GPR20: variants seen among roughly 807,000 people sequenced by gnomAD.
The protein encoded by GPR20 is CTD-3064M3.3.
For synonymous variants in GPR20, 241 were observed against 241.9 expected (o/e 1.00, Z 0.04); for missense variants, 494 against 527.4 (o/e 0.94, Z 0.62).
intron 1 of GPR20, among the ~76,000 whole-genome samples, chr8:141,361,226 C>T (rs1401080785): frequency 6.6e-6 from 1 of 152,218 alleles, no homozygotes; most frequent in East Asian, 1.9e-4. Context: ...CAGCTCTGCT[C>T]CCCACCCACA....
chr8:141,360,377 A>G (rs994773216), intron 1 of GPR20, among the ~76,000 whole-genome samples: 5 of 152,086 alleles, frequency 3.3e-5, no homozygotes, highest in Admixed American at 3.3e-4. Context: ...TAATAGCACA[A>G]TGGGCGTTGA....
rs775103249 is a variant in GPR20 at position 141,357,328 on chromosome 8, G to A, written c.596C>T (p.Ala199Val). 5.2e-6 allele frequency: 8 copies of A among 1,545,550 alleles called. No homozygotes were observed. The highest frequency in any genetic ancestry group is 2.4e-5 in the East Asian group (1 of 41,372). Reference protein sequence around the residue: ...TGSRPCCRVFALTVLEFLLPL... With the variant: ...TGSRPCCRVFVLTVLEFLLPL... ...CAGCAGGAACTCCAGGACAGTCAGC[G>A]CAAAGACACGGCAGCAGGGCCGGCT... The change falls in exon 2 of 2, where the codon GCG becomes GTG. Residue 199 changes from alanine to valine, a missense_variant. Ala to Val is a moderately conservative substitution (Grantham distance 64, BLOSUM62 0). Transcript: ENST00000377741.
In GPR20 at chr8:141,357,699, C is replaced by T. The variant is rs1563705300; in HGVS notation, c.225G>A (p.Leu75=). The T allele has an allele frequency of 5.6e-6, 9 of 1,613,434 alleles. No homozygotes were observed. The Admixed American group carries it at 6.7e-5, about 12-fold the overall frequency. The change falls in exon 2 of 2, where the codon CTG becomes CTA. Residue 75 remains leucine (L), a synonymous_variant. Transcript: ENST00000377741. ...CCCGGGTGCGGCAGCAGAAGACGTA[C>T]AGCGCCAGCCCGTTGAGCACCAGCC... ...LAGLVLNGLA[L]YVFCCRTRAK... is the part of the protein sequence containing the mutation.
Position 141,357,979 on chromosome 8 carries a change from G to A in GPR20, c.-24-32C>T, listed in dbSNP as rs114285612. ...GCAAGGAGACCAGGTCACCCCAGGC[G>A]CCAGCCTGGCCTTAAGCCCTGCCCT... On this transcript the variant is annotated intron_variant, in intron 1 of 1. Coordinates refer to ENST00000377741, the MANE Select transcript of GPR20 (RefSeq NM_005293.3). 9.1e-4 allele frequency: 1,016 copies of A among 1,112,534 alleles called. 11 individuals carry two copies. In the African/African-American group the frequency reaches 0.014, roughly 15 times the overall value. 68.9% of individuals were successfully genotyped at this position (1,112,534 alleles called of 1,614,324 possible).
At chr8:141,357,985 C>T in intron 1 of GPR20, 38 bp from the exon 2 acceptor site, 2 of 1,098,420 alleles carry the variant, frequency 1.8e-6, no homozygotes, top group Non-Finnish European at 2.6e-6. Context: ...AGGCGCCAGC[C>T]TGGCCTTAAG....
rs533997295 is a variant in GPR20, at chr8:141,357,546, G to T, written c.378C>A (p.His126Gln). The change falls in exon 2 of 2, where the codon CAC (histidine) becomes CAA (glutamine). Residue 126 changes from histidine (H) to glutamine (Q), a missense_variant. Coordinates refer to ENST00000377741, the MANE Select transcript of GPR20 (RefSeq NM_005293.3). ...GCATGTTGAGGAAGTAACCGAGGAC[G>T]TGCGGGAAGGCACAGCGCAGGCAGC... ...ARGCLRCAFP[H>Q]VLGYFLNMHC... The T allele has an allele frequency of 6.2e-7, 1 of 1,613,816 alleles. No individual in the cohort carries two copies. Among genetic ancestry groups the T allele is most frequent in the Non-Finnish European group, 8.5e-7 (1 of 1,179,998 alleles).
intron 1 of GPR20, among the ~76,000 whole-genome samples, chr8:141,366,391 G>A (rs1363387651): frequency 2.6e-5 from 4 of 152,036 alleles, no homozygotes; most frequent in African/African-American, 7.2e-5. Context: ...CCCGTCCTGC[G>A]AGGTCGCCAG....
At chr8:141,359,385 A>G (rs2154616571) in intron 1 of GPR20, among the ~76,000 whole-genome samples, 1 of 152,284 alleles carries the variant, frequency 6.6e-6, no homozygotes, top group Non-Finnish European at 1.5e-5. Context: ...CTTCTTCCTC[A>G]GAGTCAGAGA....
At chr8:141,361,287 A>G (rs1270374739) in intron 1 of GPR20, among the ~76,000 whole-genome samples, 1 of 152,218 alleles carries the variant, frequency 6.6e-6, no homozygotes, top group Non-Finnish European at 1.5e-5. Context: ...CCTGCTCTCC[A>G]GGGCTGAGAG....
At chr8:141,359,784 C>T (rs938075088) in intron 1 of GPR20, among the ~76,000 whole-genome samples, 2 of 152,114 alleles carry the variant, frequency 1.3e-5, no homozygotes, top group African/African-American at 2.4e-5. Context: ...CCCAGAAGGT[C>T]CCCCCGAAAG....
chr8:141,366,549 G>A (rs376694953), intron 1 of GPR20, among the ~76,000 whole-genome samples: 6 of 152,224 alleles, frequency 3.9e-5, no homozygotes, highest in Non-Finnish European at 8.8e-5. Context: ...CCACACTGAG[G>A]GCTGGCAAGC....
intron 1 of GPR20, among the ~76,000 whole-genome samples, chr8:141,365,215 C>A (rs936894947): frequency 6.6e-6 from 1 of 152,228 alleles, no homozygotes; most frequent in African/African-American, 2.4e-5. Context: ...GCTATGATCC[C>A]ACAATCTGAA....
In GPR20 at chr8:141,360,896, C is replaced by T. The variant is rs770631607; in HGVS notation, c.-24-2949G>A. Among the ~76,000 whole-genome samples the T allele has an allele frequency of 3.3e-5, 5 of 152,238 alleles. No individual in the cohort carries two copies. In the South Asian group the frequency reaches 6.2e-4, roughly 19 times the overall value. On this transcript the variant is annotated intron_variant, in intron 1 of 1. Coordinates refer to ENST00000377741, the MANE Select transcript of GPR20 (RefSeq NM_005293.3). Reference sequence around the variant, plus strand: ...ACTCGTGCCTTCCACAGCTCTGCCTCGCCCTGGTAGCCTGGACTGAGGGGA... The same window carrying T: ...ACTCGTGCCTTCCACAGCTCTGCCTTGCCCTGGTAGCCTGGACTGAGGGGA...
At chr8:141,363,944 A>G (rs1417587575) in intron 1 of GPR20, among the ~76,000 whole-genome samples, 3 of 152,190 alleles carry the variant, frequency 2.0e-5, no homozygotes, top group South Asian at 2.1e-4. Flanking sequence ...CCTTTTCCCC[A>G]CAGAGGGGCT....
At chr8:141,362,990 T>C (rs1000591995) in intron 1 of GPR20, among the ~76,000 whole-genome samples, 1 of 152,108 alleles carries the variant, frequency 6.6e-6, no homozygotes, top group Non-Finnish European at 1.5e-5. Flanking sequence ...TGGCCTCAAG[T>C]GGTTTGCCCA....
At chr8:141,364,023 G>A (rs549830234) in intron 1 of GPR20, among the ~76,000 whole-genome samples, 2 of 152,268 alleles carry the variant, frequency 1.3e-5, no homozygotes, top group Non-Finnish European at 2.9e-5. Flanking sequence ...GGAACCGGAG[G>A]CCCAGAGGGG....
rs145332046 is a variant in GPR20 at position 141,357,840 on chromosome 8, G to T, written c.84C>A (p.Ser28Arg). Reference protein sequence around the residue: ...TAVTTVRTNASGLEVPLFHLF... With the variant: ...TAVTTVRTNARGLEVPLFHLF... ...GGTGGAACAGGGGCACCTCCAGCCCGCTGGCATTGGTCCGCACTGTTGTCA... is the reference window on the plus strand; with the variant it reads ...GGTGGAACAGGGGCACCTCCAGCCCTCTGGCATTGGTCCGCACTGTTGTCA... The change falls in exon 2 of 2, where the codon AGC (serine) becomes AGA (arginine). Residue 28 changes from serine to arginine, a missense_variant. Coordinates refer to ENST00000377741, the MANE Select transcript of GPR20 (RefSeq NM_005293.3). 3.4e-5 allele frequency: 55 copies of T among 1,612,742 alleles called. No individual in the cohort carries two copies. Among genetic ancestry groups the T allele is most frequent in the Non-Finnish European group, 4.6e-5 (54 of 1,179,736 alleles).
In GPR20 at chr8:141,357,489, G is replaced by A. The variant is rs780949213; in HGVS notation, c.435C>T (p.Cys145=). ...GCACGATGGCCAGGTAGCGGTCCACGCAGATGCAGGTGAGGAAGAGGATGG... is the reference window on the plus strand; with the variant it reads ...GCACGATGGCCAGGTAGCGGTCCACACAGATGCAGGTGAGGAAGAGGATGG... ...HCSILFLTCI[C]VDRYLAIVRP... is the part of the protein sequence containing the mutation. The change falls in exon 2 of 2, where the codon TGC becomes TGT. Residue 145 remains cysteine (C), a synonymous_variant. Transcript: ENST00000377741. 24 of 1,613,106 alleles carry A rather than the reference G, an allele frequency of 1.5e-5. No individual in the cohort carries two copies. Among genetic ancestry groups the A allele is most frequent in the Admixed American group, 8.3e-5 (5 of 60,022 alleles).
At chr8:141,366,989 G>A (rs1340559547) in intron 1 of GPR20, among the ~76,000 whole-genome samples, 1 of 152,226 alleles carries the variant, frequency 6.6e-6, no homozygotes, top group Non-Finnish European at 1.5e-5. Context: ...TTCTCCCTCA[G>A]GTCTCTGTTT....
Sources: allele counts gnomAD v4.1 joint callset (sites outside exome capture counted in the v4.1 genomes callset), GRCh38; gene constraint gnomAD v4.1.1; transcripts MANE v1.5; gene names NCBI Gene and HGNC (gene_info 2026-07-23, HGNC 2026-07-21).